EPHA10: variants seen among roughly 807,000 people sequenced by gnomAD.
EPHA10 encodes the protein EPH receptor A10, also known as ephrin type-A receptor 10.
In EPHA10, 120 loss-of-function variants were observed where a neutral mutation model predicts 109.7. The observed-to-expected ratio is 1.09, with a 90% CI of 0.94 to 1.27. The LOEUF (loss-of-function observed/expected upper bound fraction) is 1.27, where lower values mean the gene tolerates loss of function less well. EPHA10 is among the 50% of genes most tolerant of loss of function. EPHA10 has a pLI of 0.00. For synonymous variants in EPHA10, 640 were observed against 618.9 expected (o/e 1.03, Z -0.51); for missense variants, 1,396 against 1,411.1 (o/e 0.99, Z 0.17).
In EPHA10 at chr1:37,753,211, G is replaced by A. The variant is rs1312372217; in HGVS notation, c.1022C>T (p.Pro341Leu). The A allele has an allele frequency of 1.5e-6, 2 of 1,332,676 alleles. No individual in the cohort carries two copies. Among genetic ancestry groups the A allele is most frequent in the Non-Finnish European group, 1.9e-6 (2 of 1,045,940 alleles). 82.6% of individuals were successfully genotyped at this position (1,332,676 alleles called of 1,614,324 possible). A position where few individuals can be genotyped will look rare whatever the true frequency, so the allele number is the denominator to read the frequency against. ...GCTCAGGCTGTACTGCAGGTCCCGCGGCGCCGACGGCGGCCCTGAGGCGGC... is the reference window on the plus strand; with the variant it reads ...GCTCAGGCTGTACTGCAGGTCCCGCAGCGCCGACGGCGGCCCTGAGGCGGC... The part of the protein sequence containing the change: ...SASCTRPPSA[P>L]RDLQYSLSRS... The change falls in exon 5 of 17, where the codon CCG becomes CTG. Residue 341 changes from proline (P) to leucine (L), a missense_variant. Physicochemically the swap from Pro to Leu is moderately conservative, Grantham distance 98 (BLOSUM62 -3). Transcript: ENST00000373048.
chr1:37,731,706 A>T, intron 6 of EPHA10, 124 bp from the exon 7 acceptor site: 1 of 1,028,248 alleles, frequency 9.7e-7, no homozygotes, highest in South Asian at 2.0e-5. Context: ...GAGTGCGAAA[A>T]CCCAACCTCA....
chr1:37,729,430 C>A (rs929255179), intron 7 of EPHA10, among the ~76,000 whole-genome samples: 10 of 152,170 alleles, frequency 6.6e-5, no homozygotes, highest in Non-Finnish European at 1.3e-4. Context: ...TCACCAAGAC[C>A]TTGATTTGGG....
At position 37,753,685 on chromosome 1, in the gene EPHA10, CAGGGGCGAGCGGGAGCAGGGGT is replaced by C. The variant is rs1557557105; in HGVS notation, c.1007-481_1007-460del. 8.8e-3 allele frequency among the ~76,000 whole-genome samples: 817 copies of C among 93,124 alleles called. 13 individuals are homozygous for C. The highest frequency in any genetic ancestry group is 0.028 in the African/African-American group (784 of 28,328). 61.1% of individuals were successfully genotyped at this position (93,124 alleles called of 152,430 possible). A position where few individuals can be genotyped will look rare whatever the true frequency, so the allele number is the denominator to read the frequency against. On this transcript the variant is annotated intron_variant, in intron 4 of 16. Transcript: ENST00000373048. ...GAGCGGGAGCAGGGGTGAGTGGGAG[CAGGGGCGAGCGGGAGCAGGGGT>C]GAGTGGGAGCAGGGGCGAGCGGGAG...
Position 37,754,176 on chromosome 1 carries a change from C to T in EPHA10, c.1006+39G>A. 1 of 1,266,082 alleles carries T rather than the reference C, an allele frequency of 7.9e-7. No homozygotes were observed. The highest frequency in any genetic ancestry group is 1.5e-5 in the African/African-American group (1 of 64,606). The allele number at this position is 1,266,082 out of a possible 1,614,324, so 78.4% of individuals were successfully genotyped here. ...GGCCTTCCTTCTTGGCCACTCCCAC[C>T]CCCCACCCTCCGCAGTGCAGCCTGG... On this transcript the variant is annotated intron_variant, in intron 4 of 16. Transcript: ENST00000373048. The surrounding 1 kb of genome is among the most constrained non-coding windows in gnomAD (Gnocchi z 4.5).
intron 5 of EPHA10, among the ~76,000 whole-genome samples, chr1:37,745,715 TG>T (rs1354995183): frequency 6.6e-6 from 1 of 152,150 alleles, no homozygotes; most frequent in Non-Finnish European, 1.5e-5. Context: ...CCAGGCGTGG[TG>T]GCACGCACCT....
At chr1:37,730,876 G>A (rs1645971014) in intron 7 of EPHA10, among the ~76,000 whole-genome samples, 1 of 152,070 alleles carries the variant, frequency 6.6e-6, no homozygotes. Context: ...ATTTTTAGTA[G>A]AGAAGGAGTT....
At chr1:37,731,892 C>T (rs900678) in intron 6 of EPHA10, among the ~76,000 whole-genome samples, 17,644 of 152,228 alleles carry the variant, frequency 0.12, 1,126 homozygotes, top group Middle Eastern at 0.17. Flanking sequence ...ATGAGGGCCA[C>T]CAGGGCCTGT....
At position 37,717,497 on chromosome 1, in the gene EPHA10, G is replaced by A. The variant is rs1471846460; in HGVS notation, c.*875C>T. On this transcript the variant is annotated 3_prime_UTR_variant, in exon 17 of 17. Coordinates refer to ENST00000373048, the MANE Select transcript of EPHA10 (RefSeq NM_001099439.2). Reference sequence around the variant, plus strand: ...GGGTTAGACCAGCCTGTTTGAGAGAGAGGACCCATCTCTGAGTCTCCTCTT... The same window carrying A: ...GGGTTAGACCAGCCTGTTTGAGAGAAAGGACCCATCTCTGAGTCTCCTCTT... 1 of 231,902 alleles carries A rather than the reference G, an allele frequency of 4.3e-6. No homozygotes were observed. Among genetic ancestry groups the A allele is most frequent in the Non-Finnish European group, 8.5e-6 (1 of 117,266 alleles). 14.4% of individuals were successfully genotyped at this position (231,902 alleles called of 1,614,324 possible).
chr1:37,759,887 A>G (rs142740229), intron 3 of EPHA10, among the ~76,000 whole-genome samples: 5 of 152,356 alleles, frequency 3.3e-5, no homozygotes, highest in African/African-American at 1.2e-4. Context: ...ATAGGTTTCA[A>G]TGAATGCTGG....
intron 7 of EPHA10, among the ~76,000 whole-genome samples, chr1:37,727,779 C>G (rs912089917): frequency 6.6e-6 from 1 of 152,188 alleles, no homozygotes; most frequent in Non-Finnish European, 1.5e-5. Flanking sequence ...AAGTGGTGAA[C>G]CTAAGATTTG....
chr1:37,730,769 G>A (rs1645968952), intron 7 of EPHA10, among the ~76,000 whole-genome samples: 1 of 151,958 alleles, frequency 6.6e-6, no homozygotes, highest in Non-Finnish European at 1.5e-5. Context: ...TTGGCTCACT[G>A]CAACCTCTGC....
chr1:37,742,814 C>T (rs766677868), intron 5 of EPHA10, among the ~76,000 whole-genome samples: 1 of 151,876 alleles, frequency 6.6e-6, no homozygotes, highest in African/African-American at 2.4e-5. Flanking sequence ...AGCAATACTC[C>T]GTCTCTACAA....
chr1:37,726,710 T>C (rs1557535983), intron 8 of EPHA10, among the ~76,000 whole-genome samples: 1 of 152,188 alleles, frequency 6.6e-6, no homozygotes, highest in Non-Finnish European at 1.5e-5. Context: ...ATACACAAGA[T>C]TTCTGTCTTT....
In EPHA10 at chr1:37,735,340, C is replaced by T. The variant is rs372867751; in HGVS notation, c.1408G>A (p.Val470Met). 8 of 1,575,928 alleles carry T rather than the reference C, an allele frequency of 5.1e-6. No homozygotes were observed. The Admixed American group carries it at 1.5e-4, about 29-fold the overall frequency. Residue 470 changes from valine to methionine, a missense_variant, in exon 6 of 17, where the codon GTG (valine) becomes ATG (methionine). Physicochemically the swap from Val to Met is conservative, Grantham distance 21 (BLOSUM62 1). Coordinates refer to ENST00000373048, the MANE Select transcript of EPHA10 (RefSeq NM_001099439.2). Reference protein sequence around the residue: ...IRRDRVEPQSVSLSWREPIPA... With the variant: ...IRRDRVEPQSMSLSWREPIPA... ...ATGGGCTCCCGCCACGACAGGGACA[C>T]GCTCTGGGGTTCCACTCGGTCCCTG...
chr1:37,726,554 G>C (rs1645895523), intron 8 of EPHA10, among the ~76,000 whole-genome samples: 1 of 152,198 alleles, frequency 6.6e-6, no homozygotes. Flanking sequence ...AAAAGGACTA[G>C]AATCTTCTCT....
rs1271175950 is a variant in EPHA10, at chr1:37,753,061, G to A, written c.1172C>T (p.Pro391Leu). ...TAGGAAGGCCACGCGCGGCCCGCACGGCTCGCAGGCGCCCGCCGGGCCCTC... is the reference window on the plus strand; with the variant it reads ...TAGGAAGGCCACGCGCGGCCCGCACAGCTCGCAGGCGCCCGCCGGGCCCTC... ...GREGPAGACE[P>L]CGPRVAFLPR... Residue 391 changes from proline to leucine, a missense_variant, in exon 5 of 17, where the codon CCG (proline) becomes CTG (leucine). Physicochemically the swap from Pro to Leu is moderately conservative, Grantham distance 98. Transcript: ENST00000373048. The A allele has an allele frequency of 4.0e-6, 5 of 1,259,744 alleles. No homozygotes were observed. The highest frequency in any genetic ancestry group is 5.0e-6 in the Non-Finnish European group (5 of 1,004,858). 78.0% of individuals were successfully genotyped at this position (1,259,744 alleles called of 1,614,324 possible).
chr1:37,735,930 C>T (rs1267756129), intron 5 of EPHA10, among the ~76,000 whole-genome samples: 1 of 152,150 alleles, frequency 6.6e-6, no homozygotes, highest in Non-Finnish European at 1.5e-5. Flanking sequence ...TTCCCTCCAA[C>T]ATCAGGAAAA....
chr1:37,733,744 C>T (rs1646026275), intron 6 of EPHA10, among the ~76,000 whole-genome samples: 1 of 152,068 alleles, frequency 6.6e-6, no homozygotes, highest in African/African-American at 2.4e-5. Context: ...TTCCTCTCCC[C>T]CAATTTCTCC....
chr1:37,744,271 T>C (rs1028032789), intron 5 of EPHA10, among the ~76,000 whole-genome samples: 3 of 151,608 alleles, frequency 2.0e-5, no homozygotes, highest in Non-Finnish European at 4.4e-5. Flanking sequence ...CCCAGCCCTT[T>C]GGGAGGCTGA....
Sources: gnomAD v4.1 joint callset for allele counts (sites outside exome capture counted in the v4.1 genomes callset) on GRCh38, gnomAD v4.1.1 for gene constraint, Gnocchi (gnomAD v3.1) non-coding constraint, MANE v1.5 for transcripts, NCBI Gene and HGNC (gene_info 2026-07-23, HGNC 2026-07-21) for gene names.